Variants in ABAT observed in about 807,000 individuals in gnomAD.
The protein encoded by ABAT is 4-aminobutyrate aminotransferase.
A neutral mutation model predicts 64.6 loss-of-function variants in ABAT; 45 were observed. The ratio of observed to expected loss-of-function variants is 0.70; its 90% CI spans 0.55 to 0.89. The LOEUF (loss-of-function observed/expected upper bound fraction) is 0.89. Among genes scored for constraint, ABAT ranks in the 40% least tolerant of loss-of-function variants. The pLI is 0.00. For missense variants in ABAT, 633 were observed against 658.4 expected, an observed-to-expected ratio of 0.96 and a Z score of 0.42; for synonymous variants, 297 against 250.5, an observed-to-expected ratio of 1.19 and a Z score of -1.75.
At chr16:8,692,213 C>T (rs2057599467) in intron 1 of ABAT, among the ~76,000 whole-genome samples, 1 of 151,852 alleles carries the variant, frequency 6.6e-6, no homozygotes, top group Admixed American at 6.6e-5. Context: ...AGACTTTGTC[C>T]CTACAGAAAA....
At chr16:8,678,743 T>C (rs1227991595) in intron 1 of ABAT, among the ~76,000 whole-genome samples, 1 of 152,202 alleles carries the variant, frequency 6.6e-6, no homozygotes, top group Non-Finnish European at 1.5e-5. Context: ...GATTACAGTA[T>C]ATGCATTCAT....
intron 1 of ABAT, among the ~76,000 whole-genome samples, chr16:8,699,810 TTCTC>T (rs1246914379): frequency 6.7e-6 from 1 of 149,836 alleles, no homozygotes; most frequent in Non-Finnish European, 1.5e-5. Context: ...TTCTCTTCTC[TTCTC>T]TCTCTTTCTC....
At chr16:8,775,200 C>T (rs1211379861) in intron 13 of ABAT, 143 bp downstream of exon 13, 6 of 1,067,884 alleles carry the variant, frequency 5.6e-6, no homozygotes, top group Non-Finnish European at 8.3e-6. Flanking sequence ...CTTATCAATG[C>T]AATTAGCAGT....
intron 1 of ABAT, among the ~76,000 whole-genome samples, chr16:8,721,673 G>C (rs1308707397): frequency 6.6e-6 from 1 of 152,136 alleles, no homozygotes; most frequent in East Asian, 1.9e-4. Context: ...AATGGGAGCT[G>C]GTACTTTTAC....
chr16:8,701,740 G>C (rs1228015982), intron 1 of ABAT, among the ~76,000 whole-genome samples: 5 of 152,244 alleles, frequency 3.3e-5, no homozygotes, highest in Non-Finnish European at 1.5e-5. Flanking sequence ...GTGAGGGAAG[G>C]GGAGAGGGAG....
At chr16:8,683,958 G>A (rs1028236672) in intron 1 of ABAT, among the ~76,000 whole-genome samples, 1 of 96,586 alleles carries the variant, frequency 1.0e-5, no homozygotes, top group Admixed American at 9.4e-5. Context: ...GTGTGTGTGA[G>A]AGAGACAGAG....
At chr16:8,713,281 G>GT (rs1230943066) in intron 1 of ABAT, 5 of 102,030 alleles carry the variant, frequency 4.9e-5, no homozygotes, top group Non-Finnish European at 9.7e-5. Context: ...TCCTGAGCCT[G>GT]TTAAAAAAAA....
intron 1 of ABAT, chr16:8,713,283 T>TAA (rs34212078): frequency 0.011 from 1,527 of 145,074 alleles, 14 homozygotes; most frequent in East Asian, 0.02. Context: ...CTGAGCCTGT[T>TAA]AAAAAAAAAA....
intron 10 of ABAT, among the ~76,000 whole-genome samples, chr16:8,768,482 CTT>C (rs1029792867): frequency 1.3e-5 from 2 of 152,186 alleles, no homozygotes; most frequent in African/African-American, 4.8e-5. Flanking sequence ...GACTGGAACT[CTT>C]GACTCTGTCT....
chr16:8,730,395 G>A (rs907699986), intron 1 of ABAT, among the ~76,000 whole-genome samples: 6 of 152,184 alleles, frequency 3.9e-5, no homozygotes, highest in African/African-American at 9.6e-5. Flanking sequence ...GCTGGAACTC[G>A]CCATCCTGGG....
chr16:8,764,075 T>C lies in ABAT; in HGVS notation c.373T>C (p.Phe125Leu), dbSNP rs773143377. 6.2e-7 allele frequency: 1 copy of C among 1,613,748 alleles called. No individual in the cohort carries two copies. Among genetic ancestry groups the C allele is most frequent in the Admixed American group, 1.7e-5 (1 of 59,978 alleles). Reference sequence around the variant, plus strand: ...GTCTCTTGCCCTTTTGCAGAGCATGTTTGTCAACAGACCCGCCCTCGGAAT... The same window carrying C: ...GTCTCTTGCCCTTTTGCAGAGCATGCTTGTCAACAGACCCGCCCTCGGAAT... ...LIQQPQNASMFVNRPALGILP... is the reference protein window; with the variant it reads ...LIQQPQNASMLVNRPALGILP... The change falls in exon 7 of 16, where the codon TTT (phenylalanine) becomes CTT (leucine). Residue 125 changes from phenylalanine (F) to leucine (L), a missense_variant. Transcript: ENST00000268251. The surrounding 1 kb of genome is among the most constrained non-coding windows in gnomAD (Gnocchi z 4.2).
rs955206864 is a variant in ABAT, at chr16:8,725,206, G to A, written c.-41-10493G>A. Among the ~76,000 whole-genome samples, 5 of 152,290 alleles carry A rather than the reference G, an allele frequency of 3.3e-5. No individual in the cohort carries two copies. The East Asian group carries it at 7.7e-4, about 24-fold the overall frequency. On this transcript the variant is annotated intron_variant, in intron 1 of 15. Coordinates refer to ENST00000268251, the MANE Select transcript of ABAT (RefSeq NM_020686.6). Reference sequence around the variant, plus strand: ...GCTACGATTATAGGCGTGAGCCAGCGCGCCTGGCTTTTTCATTTTTATTAA... The same window carrying A: ...GCTACGATTATAGGCGTGAGCCAGCACGCCTGGCTTTTTCATTTTTATTAA...
chr16:8,697,740 AT>A (rs1251574023), intron 1 of ABAT, among the ~76,000 whole-genome samples: 2 of 151,818 alleles, frequency 1.3e-5, no homozygotes, highest in African/African-American at 4.8e-5. Context: ...GGTTCAAGAG[AT>A]TCTCCTGCCT....
chr16:8,779,376 C>A (rs1444491726), intron 14 of ABAT, 103 bp from the exon 15 acceptor site: 1 of 961,736 alleles, frequency 1.0e-6, no homozygotes, highest in East Asian at 2.5e-5. Context: ...CATGCAGAGG[C>A]CGAGGCTGGA....
intron 11 of ABAT, among the ~76,000 whole-genome samples, chr16:8,771,845 G>T (rs1016726224): frequency 6.6e-6 from 1 of 151,900 alleles, no homozygotes; most frequent in African/African-American, 2.4e-5. Flanking sequence ...AGCTCACTGC[G>T]ATCTCACAGT....
At chr16:8,719,537 G>T (rs2058305764) in intron 1 of ABAT, among the ~76,000 whole-genome samples, 1 of 152,120 alleles carries the variant, frequency 6.6e-6, no homozygotes, top group South Asian at 2.1e-4. Flanking sequence ...GATTGAGGTG[G>T]GCAGAGAGGA....
intron 1 of ABAT, among the ~76,000 whole-genome samples, chr16:8,688,450 A>G (rs2057506732): frequency 6.6e-6 from 1 of 152,032 alleles, no homozygotes; most frequent in African/African-American, 2.4e-5. Flanking sequence ...CCCTTCCTGT[A>G]CCTTTATTCC....
chr16:8,758,711 C>T (rs555696225), intron 6 of ABAT, among the ~76,000 whole-genome samples: 1 of 152,212 alleles, frequency 6.6e-6, no homozygotes, highest in South Asian at 2.1e-4. Flanking sequence ...GCCAGATGTC[C>T]CCTGGTGGAT....
At chr16:8,725,020 G>A (rs1261229982) in intron 1 of ABAT, among the ~76,000 whole-genome samples, 1 of 151,516 alleles carries the variant, frequency 6.6e-6, no homozygotes, top group African/African-American at 2.4e-5. Context: ...GGGTCCAAGC[G>A]ATTCTCCCGC....
Sources: gnomAD v4.1 joint callset for allele counts (sites outside exome capture counted in the v4.1 genomes callset) on GRCh38, gnomAD v4.1.1 for gene constraint, Gnocchi (gnomAD v3.1) non-coding constraint, MANE v1.5 for transcripts, NCBI Gene and HGNC (gene_info 2026-07-23, HGNC 2026-07-21) for gene names.